RPRD1A: variants seen among roughly 807,000 people sequenced by gnomAD.
RPRD1A encodes the protein regulation of nuclear pre-mRNA domain-containing protein 1A.
RPRD1A carries 9 observed loss-of-function variants against 37.8 expected under a neutral mutation model. That is an observed-to-expected ratio of 0.24 (90% CI 0.14 to 0.42). The LOEUF (loss-of-function observed/expected upper bound fraction) is 0.42, where lower values mean the gene tolerates loss of function less well. RPRD1A is among the 10% of genes least tolerant of loss of function. The pLI is 1.00. For missense variants in RPRD1A, 255 were observed against 371.0 expected, an observed-to-expected ratio of 0.69 and a Z score of 2.57; for synonymous variants, 138 against 139.7, an observed-to-expected ratio of 0.99 and a Z score of 0.08.
Position 36,030,791 on chromosome 18 carries a change from CAG to C in RPRD1A, c.486+15_486+16del, listed in dbSNP as rs770094752. On this transcript the variant is annotated intron_variant, in intron 4 of 6. Transcript: ENST00000399022. Reference sequence around the variant, plus strand: ...AAGTAAAAGTTTGTAACTCTTTTAACAGGGTAAAATTTCTACCTGTGGTGGTT... The same window carrying C: ...AAGTAAAAGTTTGTAACTCTTTTAACGGTAAAATTTCTACCTGTGGTGGTT... The C allele has an allele frequency of 7.3e-6, 11 of 1,502,746 alleles. No individual in the cohort carries two copies. The East Asian group carries it at 1.6e-4, about 22-fold the overall frequency. 93.1% of individuals were successfully genotyped at this position (1,502,746 alleles called of 1,614,324 possible).
chr18:36,008,686 T>C (rs1598605739), intron 6 of RPRD1A, among the ~76,000 whole-genome samples: 1 of 150,388 alleles, frequency 6.6e-6, no homozygotes, highest in East Asian at 1.9e-4. Context: ...CATTTGATGC[T>C]GAAATTTTGT....
chr18:36,056,299 T>A (rs1303702678), intron 1 of RPRD1A, among the ~76,000 whole-genome samples: 1 of 152,024 alleles, frequency 6.6e-6, no homozygotes, highest in African/African-American at 2.4e-5. Flanking sequence ...TTTGTGTTTT[T>A]TTTTTGAGAT....
chr18:36,007,433 G>T (rs1909814127), intron 6 of RPRD1A, among the ~76,000 whole-genome samples: 2 of 152,184 alleles, frequency 1.3e-5, no homozygotes, highest in Non-Finnish European at 1.5e-5. Flanking sequence ...TAAAGGAAAA[G>T]AAGAGAATTT....
intron 1 of RPRD1A, among the ~76,000 whole-genome samples, chr18:36,059,350 C>G (rs142847583): frequency 0.012 from 1,778 of 152,194 alleles, 42 homozygotes; most frequent in African/African-American, 0.04. Flanking sequence ...GTTGCCCAGG[C>G]TGGTCTCAAA....
intron 1 of RPRD1A, among the ~76,000 whole-genome samples, chr18:36,051,230 G>C (rs1913368421): frequency 6.6e-6 from 1 of 152,084 alleles, no homozygotes; most frequent in Non-Finnish European, 1.5e-5. Context: ...CGTCAATATA[G>C]CAAGTAAGGA....
At chr18:36,054,595 AGAGAGAGG>A (rs1205096855) in intron 1 of RPRD1A, among the ~76,000 whole-genome samples, 1 of 152,164 alleles carries the variant, frequency 6.6e-6, no homozygotes, top group African/African-American at 2.4e-5. Context: ...AATAGGACAG[AGAGAGAGG>A]GAGAGAGAGA....
intron 4 of RPRD1A, among the ~76,000 whole-genome samples, chr18:36,028,581 C>T (rs1316061359): frequency 1.3e-5 from 2 of 152,180 alleles, no homozygotes; most frequent in East Asian, 3.9e-4. Context: ...GATCTCATCA[C>T]ACCTTCACAG....
At chr18:36,028,050 T>A (rs1911503829) in intron 4 of RPRD1A, 1 of 152,132 alleles carries the variant, frequency 6.6e-6, no homozygotes, top group African/African-American at 2.4e-5. Context: ...ACTCATAATG[T>A]CTATAAAGTT....
At chr18:36,061,780 A>G (rs957879736) in intron 1 of RPRD1A, among the ~76,000 whole-genome samples, 6 of 152,250 alleles carry the variant, frequency 3.9e-5, no homozygotes, top group African/African-American at 1.2e-4. Context: ...CATTGGGAAC[A>G]CTTACAACTC....
intron 6 of RPRD1A, among the ~76,000 whole-genome samples, chr18:35,996,990 AAAAAAAAAAAAAAG>A (rs890054811): frequency 3.4e-5 from 4 of 118,368 alleles, no homozygotes; most frequent in African/African-American, 1.0e-4. Context: ...AAAAAAAAAA[AAAAAAAAAAAAAAG>A]AACTATCTGT....
intron 6 of RPRD1A, among the ~76,000 whole-genome samples, chr18:35,993,830 T>C (rs111278782): frequency 0.018 from 2,692 of 152,166 alleles, 44 homozygotes; most frequent in Non-Finnish European, 0.025. Flanking sequence ...GCGCCTCTCA[T>C]CCTACCCCAA....
chr18:36,053,536 G>A (rs1913547494), intron 1 of RPRD1A, among the ~76,000 whole-genome samples: 1 of 152,118 alleles, frequency 6.6e-6, no homozygotes, highest in African/African-American at 2.4e-5. Context: ...CCAGCGTGTG[G>A]ATATACCATA....
chr18:36,044,775 A>T (rs1440208715), intron 1 of RPRD1A, among the ~76,000 whole-genome samples: 3 of 152,202 alleles, frequency 2.0e-5, no homozygotes, highest in Admixed American at 6.5e-5. Context: ...AAATGTACCA[A>T]GGACATCTTG....
In RPRD1A at chr18:35,995,006, G is replaced by C. The variant is rs186631397; in HGVS notation, c.790-1706C>G. Among the ~76,000 whole-genome samples the C allele has an allele frequency of 6.6e-4, 101 of 152,170 alleles. No homozygotes were observed. In the Middle Eastern group the frequency reaches 0.017, roughly 26 times the overall value. The stretch of plus-strand genomic sequence containing the variant: ...GTCCCTCTCCTGGTTAAGAATCACA[G>C]TACACACAGGAAGGAAGAGAAGTGA... On this transcript the variant is annotated intron_variant, in intron 6 of 6. Transcript: ENST00000399022.
At position 36,027,013 on chromosome 18, in the gene RPRD1A, A is replaced by C. The variant is rs1911416575; in HGVS notation, c.676T>G (p.Tyr226Asp). 1 of 1,613,914 alleles carries C rather than the reference A, an allele frequency of 6.2e-7. No homozygotes were observed. Among genetic ancestry groups the C allele is most frequent in the Non-Finnish European group, 8.5e-7 (1 of 1,179,904 alleles). ...ATTTCTGCCGCCAATCTGCCATTGT[A>C]ATCTGCCAGCAACATACACGCATCC... ...VEDACMLLAD[Y>D]NGRLAAEIDD... is the part of the protein sequence containing the mutation. The change falls in exon 6 of 7, where the codon TAC becomes GAC. Residue 226 changes from tyrosine (Y) to aspartate (D), a missense_variant. Physicochemically the swap from Tyr to Asp is radical, Grantham distance 160. Transcript: ENST00000399022.
chr18:36,050,648 T>C (rs1026782379), intron 1 of RPRD1A, among the ~76,000 whole-genome samples: 2 of 151,992 alleles, frequency 1.3e-5, no homozygotes, highest in Non-Finnish European at 2.9e-5. Context: ...TGCTCACCAT[T>C]ATTAGTCATT....
intron 1 of RPRD1A, among the ~76,000 whole-genome samples, chr18:36,050,248 A>C: frequency 6.8e-6 from 1 of 147,368 alleles, no homozygotes; most frequent in African/African-American, 2.5e-5. Context: ...CATATTTATA[A>C]AAAAAAAAAA....
intron 1 of RPRD1A, among the ~76,000 whole-genome samples, chr18:36,034,435 T>A (rs1185041382): frequency 6.6e-6 from 1 of 152,208 alleles, no homozygotes; most frequent in Admixed American, 6.5e-5. Flanking sequence ...CTACTCACTA[T>A]GCTCTGTGGG....
At chr18:36,032,049 T>TTC (rs1365882798) in intron 2 of RPRD1A, among the ~76,000 whole-genome samples, 1 of 152,202 alleles carries the variant, frequency 6.6e-6, no homozygotes, top group Non-Finnish European at 1.5e-5. Context: ...AATGGCTCAT[T>TTC]TCACCCCTTC....
Sources: allele counts gnomAD v4.1 joint callset (sites outside exome capture counted in the v4.1 genomes callset), GRCh38; gene constraint gnomAD v4.1.1; transcripts MANE v1.5; gene names NCBI Gene and HGNC (gene_info 2026-07-23, HGNC 2026-07-21).